Variants in FAM13A observed in about 807,000 individuals in gnomAD.
FAM13A encodes the protein protein FAM13A.
In FAM13A, 76 loss-of-function variants were observed where a neutral mutation model predicts 129.6. That is an observed-to-expected ratio of 0.59 (90% CI 0.49 to 0.71). The LOEUF is 0.71. Among genes scored for constraint, FAM13A ranks in the 30% least tolerant of loss-of-function variants. The pLI is 0.00. For synonymous variants in FAM13A, 443 were observed against 449.9 expected, an observed-to-expected ratio of 0.98 and a Z score of 0.20; for missense variants, 1,108 against 1,249.3, an observed-to-expected ratio of 0.89 and a Z score of 1.70.
At chr4:88,790,729 C>T (rs1298155304) in intron 8 of FAM13A, 102 bp from the exon 9 acceptor site, 12 of 886,282 alleles carry the variant, frequency 1.4e-5, no homozygotes, top group African/African-American at 1.7e-5. Flanking sequence ...TTAGCTCAGT[C>T]CCAAGTGATC....
Position 88,914,985 on chromosome 4 carries a change from G to A in FAM13A, c.760-8523C>T, listed in dbSNP as rs569821929. ...ATTATGACAGGGAGGAACTGCATTTGGTGTGCTGGGGTCAAACTCACAACA... is the reference window on the plus strand; with the variant it reads ...ATTATGACAGGGAGGAACTGCATTTAGTGTGCTGGGGTCAAACTCACAACA... On this transcript the variant is annotated intron_variant, in intron 5 of 23. Transcript: ENST00000264344. Among the ~76,000 whole-genome samples the A allele has an allele frequency of 3.3e-5, 5 of 152,300 alleles. No individual in the cohort carries two copies. The South Asian group carries it at 1.0e-3, about 32-fold the overall frequency.
chr4:88,914,195 T>A (rs1749705147), intron 5 of FAM13A, among the ~76,000 whole-genome samples: 1 of 152,178 alleles, frequency 6.6e-6, no homozygotes, highest in African/African-American at 2.4e-5. Context: ...CTCTTCCCTA[T>A]GTGCACAGTC....
chr4:88,798,373 C>A (rs966030044), intron 8 of FAM13A, among the ~76,000 whole-genome samples: 1 of 152,128 alleles, frequency 6.6e-6, no homozygotes, highest in Non-Finnish European at 1.5e-5. Context: ...TTGTTCTGTA[C>A]ACTGAGTATT....
chr4:88,742,158 T>C (rs555039103), intron 19 of FAM13A, among the ~76,000 whole-genome samples: 1 of 152,296 alleles, frequency 6.6e-6, no homozygotes, highest in Non-Finnish European at 1.5e-5. Flanking sequence ...CCATTACTAG[T>C]TATTTGGCAG....
intron 4 of FAM13A, among the ~76,000 whole-genome samples, chr4:88,940,369 T>C (rs1449362079): frequency 6.6e-6 from 1 of 152,224 alleles, no homozygotes; most frequent in Non-Finnish European, 1.5e-5. Flanking sequence ...TTGTATCCTA[T>C]AGTTACTTGA....
At chr4:88,888,876 C>T (rs1183926664) in intron 6 of FAM13A, among the ~76,000 whole-genome samples, 1 of 147,478 alleles carries the variant, frequency 6.8e-6, no homozygotes, top group African/African-American at 2.5e-5. Context: ...GCGGAGCTTG[C>T]AGTGAGCCGA....
intron 5 of FAM13A, chr4:88,936,526 C>G (rs189037718): frequency 6.6e-6 from 1 of 152,300 alleles, no homozygotes; most frequent in Admixed American, 6.5e-5. Flanking sequence ...AAGTCATTCA[C>G]GAAGGATCCG....
chr4:88,974,437 T>TA (rs1198871568), intron 4 of FAM13A, among the ~76,000 whole-genome samples: 2 of 152,166 alleles, frequency 1.3e-5, no homozygotes, highest in Non-Finnish European at 2.9e-5. Context: ...CCAAGCTCCT[T>TA]AAATGCTAGA....
intron 7 of FAM13A, among the ~76,000 whole-genome samples, chr4:88,826,180 C>A (rs952965432): frequency 1.3e-5 from 2 of 152,088 alleles, no homozygotes; most frequent in Admixed American, 1.3e-4. Context: ...CCTTAATGTG[C>A]ATCCCTCTTA....
At chr4:89,019,172 G>T (rs966328685) in intron 3 of FAM13A, among the ~76,000 whole-genome samples, 1 of 152,072 alleles carries the variant, frequency 6.6e-6, no homozygotes, top group Non-Finnish European at 1.5e-5. Context: ...TTTCAAAATG[G>T]TCTTTCATGG....
At chr4:88,883,783 G>A (rs1213601821) in intron 6 of FAM13A, among the ~76,000 whole-genome samples, 1 of 151,984 alleles carries the variant, frequency 6.6e-6, no homozygotes, top group East Asian at 1.9e-4. Flanking sequence ...ACCACAAAAA[G>A]AGAGAAGATC....
rs573977255 is a variant in FAM13A, at chr4:88,728,510, C to T, written c.*23G>A. ...AGTAAACTCTCACCGCAGCTGCCAG[C>T]CCCCTGTGCTTGGCCATGCCCCTCA... On this transcript the variant is annotated 3_prime_UTR_variant, in exon 24 of 24. Coordinates refer to ENST00000264344, the MANE Select transcript of FAM13A (RefSeq NM_014883.4). 7.4e-5 allele frequency: 120 copies of T among 1,613,536 alleles called. 1 individual carries two copies. The South Asian group carries it at 1.2e-3, about 16-fold the overall frequency.
intron 7 of FAM13A, among the ~76,000 whole-genome samples, chr4:88,808,254 T>C (rs780157669): frequency 3.9e-4 from 60 of 152,168 alleles, no homozygotes; most frequent in Non-Finnish European, 1.0e-4. Context: ...ATTTAATGCA[T>C]TGACTTCGAA....
intron 5 of FAM13A, among the ~76,000 whole-genome samples, chr4:88,923,878 C>T (rs867923523): frequency 2.0e-5 from 3 of 152,036 alleles, no homozygotes; most frequent in East Asian, 1.9e-4. Flanking sequence ...AATCAATGTA[C>T]GAAAATCACA....
At chr4:88,740,804 GC>G (rs1368612134) in intron 19 of FAM13A, among the ~76,000 whole-genome samples, 1 of 152,202 alleles carries the variant, frequency 6.6e-6, no homozygotes, top group African/African-American at 2.4e-5. Flanking sequence ...AAGAATAACA[GC>G]CTTATGTTAC....
chr4:88,781,305 C>T lies in FAM13A; in HGVS notation c.1318G>A (p.Asp440Asn). 6.2e-7 allele frequency: 1 copy of T among 1,611,730 alleles called. No individual in the cohort carries two copies. The highest frequency in any genetic ancestry group is 8.5e-7 in the Non-Finnish European group (1 of 1,178,902). The change falls in exon 11 of 24, where the codon GAT becomes AAT. Residue 440 changes from aspartate (D) to asparagine (N), a missense_variant. By Grantham distance (23) the Asp-to-Asn change is conservative. Coordinates refer to ENST00000264344, the MANE Select transcript of FAM13A (RefSeq NM_014883.4). ...ENTPSGFNHL[D>N]DCILNTQEVE... is the part of the protein sequence containing the mutation. ...TCCTGAGTATTCAAAATACAATCATCAAGGTGGTTGAACCCAGAAGGAGTA... is the reference window on the plus strand; with the variant it reads ...TCCTGAGTATTCAAAATACAATCATTAAGGTGGTTGAACCCAGAAGGAGTA...
chr4:88,781,895 A>T (rs1276358136), intron 10 of FAM13A, among the ~76,000 whole-genome samples: 4 of 151,648 alleles, frequency 2.6e-5, no homozygotes, highest in South Asian at 2.1e-4. Flanking sequence ...ATGCTAAATG[A>T]CGAGTTAATG....
At chr4:89,015,931 T>C (rs1766422178) in intron 3 of FAM13A, among the ~76,000 whole-genome samples, 1 of 152,164 alleles carries the variant, frequency 6.6e-6, no homozygotes, top group Non-Finnish European at 1.5e-5. Flanking sequence ...TATACGTGTA[T>C]GTTAATTATA....
intron 6 of FAM13A, among the ~76,000 whole-genome samples, chr4:88,880,783 C>CGGGGGGGGGGGGGGG (rs70959631): frequency 3.3e-5 from 1 of 30,054 alleles, no homozygotes; most frequent in Non-Finnish European, 6.3e-5. Context: ...CGGTGGGGGG[C>CGGGGGGGGGGGGGGG]GGGGGGGGGG....
Sources: gnomAD v4.1 joint callset for allele counts (sites outside exome capture counted in the v4.1 genomes callset) on GRCh38, gnomAD v4.1.1 for gene constraint, MANE v1.5 for transcripts, NCBI Gene and HGNC (gene_info 2026-07-23, HGNC 2026-07-21) for gene names.